Variants in MIB1 observed in about 807,000 individuals in gnomAD.
The protein encoded by MIB1 is E3 ubiquitin-protein ligase MIB1.
In MIB1, 278 loss-of-function variants were observed where a neutral mutation model predicts 124.5. The ratio of observed to expected loss-of-function variants is 2.23; its 90% CI spans 2.02 to 2.47. The LOEUF is 2.47. Among genes scored for constraint, MIB1 ranks in the 30% most tolerant of loss-of-function variants. The probability of loss-of-function intolerance (pLI) is 0.00; values close to 1 mark genes in which losing one functional copy is unlikely to be tolerated. For synonymous variants in MIB1, 446 were observed against 429.4 expected, an observed-to-expected ratio of 1.04 and a Z score of -0.48; for missense variants, 957 against 1,254.4, an observed-to-expected ratio of 0.76 and a Z score of 3.58.
At position 21,843,116 on chromosome 18, in the gene MIB1, G is replaced by C. The variant is rs1185341750; in HGVS notation, c.1963-15G>C. ...GTCAAATTTTAACCATTTAACATTT[G>C]TTCTTCTCGTTCAGGGTAATGCAAA... On this transcript the variant is annotated splice_polypyrimidine_tract_variant and intron_variant, in intron 13 of 20. Coordinates refer to ENST00000261537, the MANE Select transcript of MIB1 (RefSeq NM_020774.4). 6.3e-7 allele frequency: 1 copy of C among 1,587,864 alleles called. No individual in the cohort carries two copies. The highest frequency in any genetic ancestry group is 8.6e-7 in the Non-Finnish European group (1 of 1,165,340).
intron 12 of MIB1, among the ~76,000 whole-genome samples, chr18:21,835,387 TAAG>T (rs1361143081): frequency 1.3e-5 from 2 of 152,016 alleles, no homozygotes; most frequent in Admixed American, 6.6e-5. Flanking sequence ...AATGTGGACA[TAAG>T]AAGAGAGGAA....
At chr18:21,807,430 C>T (rs1169360442) in intron 10 of MIB1, among the ~76,000 whole-genome samples, 6 of 152,214 alleles carry the variant, frequency 3.9e-5, no homozygotes, top group Non-Finnish European at 7.4e-5. Context: ...GAGACCCTAC[C>T]TCAAACAAGA....
chr18:21,825,166 T>C (rs992950997), intron 12 of MIB1, among the ~76,000 whole-genome samples: 5 of 152,150 alleles, frequency 3.3e-5, no homozygotes, highest in East Asian at 1.9e-4. Context: ...TCTACAGTTA[T>C]CATCTTTTTC....
rs1403511469 is a variant in MIB1, at chr18:21,869,191, A to G, written c.*4525A>G. On this transcript the variant is annotated 3_prime_UTR_variant, in exon 21 of 21. Coordinates refer to ENST00000261537, the MANE Select transcript of MIB1 (RefSeq NM_020774.4). Reference sequence around the variant, plus strand: ...ATGTACAAAATGTCTAAGAAAGGTCATATGCTGAATATTTTACTTTTCCTG... The same window carrying G: ...ATGTACAAAATGTCTAAGAAAGGTCGTATGCTGAATATTTTACTTTTCCTG... The G allele has an allele frequency of 1.3e-5, 2 of 152,480 alleles. No homozygotes were observed. Among genetic ancestry groups the G allele is most frequent in the Non-Finnish European group, 2.9e-5 (2 of 67,904 alleles). 9.4% of individuals were successfully genotyped at this position (152,480 alleles called of 1,614,324 possible).
chr18:21,834,636 T>C lies in MIB1; in HGVS notation c.1830-3729T>C, dbSNP rs80061633. Among the ~76,000 whole-genome samples the C allele has an allele frequency of 1.9e-3, 290 of 152,338 alleles. 6 individuals are homozygous for C. The East Asian group carries it at 0.05, about 26-fold the overall frequency. ...CTTACTAAGAACCAATAGCACAGCG[T>C]AATCATGAGAAAAGCATCAGACAAA... On this transcript the variant is annotated intron_variant, in intron 12 of 20. Coordinates refer to ENST00000261537, the MANE Select transcript of MIB1 (RefSeq NM_020774.4).
chr18:21,738,059 A>G (rs1445453592), upstream of MIB1, among the ~76,000 whole-genome samples: 1 of 152,200 alleles, frequency 6.6e-6, no homozygotes, highest in Non-Finnish European at 1.5e-5. Context: ...TCCACCCCAA[A>G]TCAATAGAAT....
At chr18:21,751,174 C>T (rs982455754) in intron 1 of MIB1, among the ~76,000 whole-genome samples, 2 of 151,738 alleles carry the variant, frequency 1.3e-5, no homozygotes, top group Non-Finnish European at 2.9e-5. Context: ...TGCACTCCAG[C>T]CTGGGTGACA....
chr18:21,712,791 G>A lies in MIB1; in HGVS notation n.167+7668G>A, dbSNP rs1240255960. On this transcript the variant is annotated intron_variant and non_coding_transcript_variant, in intron 1 of 20. Transcript: ENST00000578646. ...ATGACCCATGGGAACTGCTAGATAA[G>A]AAATGTGTTGTTTGAAGCTGCTAAG... Among the ~76,000 whole-genome samples, 7 of 152,298 alleles carry A rather than the reference G, an allele frequency of 4.6e-5. No individual in the cohort carries two copies. The East Asian group carries it at 1.3e-3, about 29-fold the overall frequency.
At chr18:21,825,600 A>G in intron 12 of MIB1, 1 of 457,870 alleles carries the variant, frequency 2.2e-6, no homozygotes, top group South Asian at 1.6e-5. Context: ...GTAACAAGTT[A>G]TTTGATTATA....
intron 6 of MIB1, among the ~76,000 whole-genome samples, chr18:21,784,888 G>A (rs1198974271): frequency 6.6e-6 from 1 of 152,126 alleles, no homozygotes; most frequent in Non-Finnish European, 1.5e-5. Flanking sequence ...CATCAGCCAG[G>A]CCCGCCCGCA....
intron 14 of MIB1, among the ~76,000 whole-genome samples, chr18:21,843,482 A>G (rs1312837276): frequency 1.3e-5 from 2 of 152,250 alleles, no homozygotes; most frequent in African/African-American, 2.4e-5. Flanking sequence ...TTAAAGCACC[A>G]TAAGCAAAGT....
At chr18:21,858,483 T>C in intron 19 of MIB1, 63 bp from the exon 20 acceptor site, 1 of 788,352 alleles carries the variant, frequency 1.3e-6, no homozygotes, top group East Asian at 2.5e-5. Flanking sequence ...TAATATTTTA[T>C]TTTATAAATG....
intron 11 of MIB1, 35 bp from the exon 12 acceptor site, chr18:21,819,460 T>A: frequency 7.3e-7 from 1 of 1,378,078 alleles, no homozygotes; most frequent in Non-Finnish European, 1.0e-6. Flanking sequence ...GGATAATTAA[T>A]TGAAGAACTA....
At chr18:21,776,933 C>T (rs962267389) in intron 4 of MIB1, among the ~76,000 whole-genome samples, 9 of 150,088 alleles carry the variant, frequency 6.0e-5, no homozygotes, top group East Asian at 4.0e-4. Flanking sequence ...GCCGAGATCC[C>T]GCCACTGCAC....
At chr18:21,766,546 T>A (rs1195208039) in intron 2 of MIB1, among the ~76,000 whole-genome samples, 1 of 152,164 alleles carries the variant, frequency 6.6e-6, no homozygotes, top group Non-Finnish European at 1.5e-5. Context: ...CTCATGTAGA[T>A]ACAGATACTG....
chr18:21,859,295 GA>G (rs1273890122), intron 20 of MIB1, among the ~76,000 whole-genome samples: 5 of 151,970 alleles, frequency 3.3e-5, no homozygotes, highest in Admixed American at 2.0e-4. Context: ...CTTGGAGGCT[GA>G]GGTGGGAGGA....
At chr18:21,815,075 A>C in intron 10 of MIB1, among the ~76,000 whole-genome samples, 1 of 137,838 alleles carries the variant, frequency 7.3e-6, no homozygotes, top group South Asian at 2.2e-4. Flanking sequence ...ATATAAATGT[A>C]TATATATAAA....
At chr18:21,804,060 A>G (rs780908716) in intron 10 of MIB1, 46 bp downstream of exon 10, 1 of 1,307,380 alleles carries the variant, frequency 7.6e-7, no homozygotes, top group Non-Finnish European at 1.1e-6. Context: ...TATTTCCTAG[A>G]AATAATACTT....
At chr18:21,804,883 T>C (rs1033295453) in intron 10 of MIB1, among the ~76,000 whole-genome samples, 8 of 152,204 alleles carry the variant, frequency 5.3e-5, no homozygotes, top group African/African-American at 1.9e-4. Flanking sequence ...TGTTACTTTT[T>C]CTTTTTTCTC....
Sources: gnomAD v4.1 joint callset for allele counts (sites outside exome capture counted in the v4.1 genomes callset) on GRCh38, gnomAD v4.1.1 for gene constraint, MANE v1.5 for transcripts, NCBI Gene and HGNC (gene_info 2026-07-23, HGNC 2026-07-21) for gene names.